The following DPP10 variants were observed in gnomAD, a reference collection of about 807,000 sequenced individuals.
DPP10 encodes the protein inactive dipeptidyl peptidase 10.
A neutral mutation model predicts 120.9 loss-of-function variants in DPP10; 33 were observed. That is an observed-to-expected ratio of 0.27 (90% confidence interval 0.21 to 0.37). DPP10 has a LOEUF of 0.37. DPP10 is among the 10% of genes least tolerant of loss of function. The pLI is 1.00. For missense variants in DPP10, 816 were observed against 942.8 expected, an observed-to-expected ratio of 0.87 and a Z score of 1.76; for synonymous variants, 337 against 326.1, an observed-to-expected ratio of 1.03 and a Z score of -0.36.
chr2:114,602,246 T>C (rs1210522732), intron 1 of DPP10, among the ~76,000 whole-genome samples: 1 of 151,896 alleles, frequency 6.6e-6, no homozygotes, highest in African/African-American at 2.4e-5. Flanking sequence ...AATCAAAGTA[T>C]ATAAAGGTTT....
intron 3 of DPP10, among the ~76,000 whole-genome samples, chr2:115,489,225 A>G (rs1340656151): frequency 6.6e-6 from 1 of 151,974 alleles, no homozygotes; most frequent in Non-Finnish European, 1.5e-5. Flanking sequence ...CAATAAATAG[A>G]TGTAGCTGTG....
chr2:115,358,921 T>C (rs1004878984), intron 3 of DPP10, among the ~76,000 whole-genome samples: 1 of 152,136 alleles, frequency 6.6e-6, no homozygotes, highest in Admixed American at 6.6e-5. Context: ...AAGAATAGCA[T>C]GGATGTAACC....
At chr2:114,907,195 TA>T (rs2106635071) in intron 1 of DPP10, among the ~76,000 whole-genome samples, 1 of 152,146 alleles carries the variant, frequency 6.6e-6, no homozygotes, top group East Asian at 1.9e-4. Context: ...AAGTCTTCTT[TA>T]TTTTTTTTCT....
chr2:114,827,114 G>A (rs1029291096), intron 1 of DPP10, among the ~76,000 whole-genome samples: 1 of 151,878 alleles, frequency 6.6e-6, no homozygotes, highest in Non-Finnish European at 1.5e-5. Context: ...GACCTGCTTG[G>A]GGGAGAAAAG....
chr2:115,134,684 G>T (rs2050556984), intron 1 of DPP10, among the ~76,000 whole-genome samples: 3 of 151,894 alleles, frequency 2.0e-5, no homozygotes, highest in Non-Finnish European at 4.4e-5. Flanking sequence ...ATAGCATAAT[G>T]GATAATAAAA....
intron 1 of DPP10, among the ~76,000 whole-genome samples, chr2:115,086,282 T>C (rs1314260339): frequency 1.3e-5 from 2 of 152,166 alleles, no homozygotes; most frequent in Non-Finnish European, 2.9e-5. Flanking sequence ...GTCTCTACGA[T>C]CTTTTATCTT....
At chr2:115,050,779 A>T (rs1365033001) in intron 1 of DPP10, among the ~76,000 whole-genome samples, 1 of 152,178 alleles carries the variant, frequency 6.6e-6, no homozygotes, top group Non-Finnish European at 1.5e-5. Flanking sequence ...TAGGGCAGGG[A>T]TGGTACACGG....
At chr2:114,738,532 C>T (rs1158233750) in intron 1 of DPP10, among the ~76,000 whole-genome samples, 1 of 151,936 alleles carries the variant, frequency 6.6e-6, no homozygotes, top group Admixed American at 6.5e-5. Context: ...AAGGGGAGCA[C>T]TAGCCTGTGT....
In DPP10 at chr2:115,165,905, C is replaced by T. The variant is rs574504711; in HGVS notation, c.61-143334C>T. On this transcript the variant is annotated intron_variant, in intron 1 of 25. Coordinates refer to ENST00000410059, the MANE Select transcript of DPP10 (RefSeq NM_020868.6). The stretch of plus-strand genomic sequence containing the variant: ...CAACTATTTGACTACAAAGACAGCA[C>T]TTGTTATGCATTTTCTTTAAAAAAA... 7.9e-5 allele frequency among the ~76,000 whole-genome samples: 12 copies of T among 152,298 alleles called. No individual in the cohort carries two copies. In the East Asian group the frequency reaches 1.9e-3, roughly 24 times the overall value.
chr2:115,376,318 T>A lies in DPP10; in HGVS notation c.271+32406T>A, dbSNP rs553959316. On this transcript the variant is annotated intron_variant, in intron 3 of 25. Coordinates refer to ENST00000410059, the MANE Select transcript of DPP10 (RefSeq NM_020868.6). ...ATGATTGAATGTTATGTATGAACAC[T>A]CAGAAGAATTTTGAGTTTTGCCCTT... is the stretch of plus-strand genomic sequence containing the variant. Among the ~76,000 whole-genome samples, 6 of 152,260 alleles carry A rather than the reference T, an allele frequency of 3.9e-5. No individual in the cohort carries two copies. The South Asian group carries it at 1.2e-3, about 32-fold the overall frequency.
chr2:114,963,565 T>A (rs770953901), intron 1 of DPP10, among the ~76,000 whole-genome samples: 3 of 152,214 alleles, frequency 2.0e-5, no homozygotes, highest in Non-Finnish European at 4.4e-5. Flanking sequence ...CTTCTCTACA[T>A]AACCAGGCTG....
intron 5 of DPP10, among the ~76,000 whole-genome samples, chr2:115,561,165 A>G (rs1443659162): frequency 6.6e-6 from 1 of 152,052 alleles, no homozygotes; most frequent in East Asian, 1.9e-4. Context: ...CCTGGGCAAC[A>G]CAGTGAAACC....
Position 114,683,450 on chromosome 2 carries a change from C to G in DPP10, c.60+240612C>G, listed in dbSNP as rs140126401. Among the ~76,000 whole-genome samples, 314 of 151,632 alleles carry G rather than the reference C, an allele frequency of 2.1e-3. 1 individual carries two copies. Among genetic ancestry groups the G allele is most frequent in the African/African-American group, 7.5e-3 (311 of 41,408 alleles). On this transcript the variant is annotated intron_variant, in intron 1 of 25. Coordinates refer to ENST00000410059, the MANE Select transcript of DPP10 (RefSeq NM_020868.6). ...CCACCCAGTGTGCCTTCCTCCCTTCCTTCCAGCCTTCCTCCCTTCCTTCCA... is the reference window on the plus strand; with the variant it reads ...CCACCCAGTGTGCCTTCCTCCCTTCGTTCCAGCCTTCCTCCCTTCCTTCCA...
chr2:115,430,422 T>C (rs1489432955), intron 3 of DPP10, among the ~76,000 whole-genome samples: 1 of 152,156 alleles, frequency 6.6e-6, no homozygotes, highest in African/African-American at 2.4e-5. Context: ...TCTGTGAATG[T>C]ATCATAGAGA....
At chr2:115,455,035 CATAATT>C (rs1440390556) in intron 3 of DPP10, among the ~76,000 whole-genome samples, 9 of 150,246 alleles carry the variant, frequency 6.0e-5, no homozygotes, top group Admixed American at 2.0e-4. Flanking sequence ...ATTAATATAG[CATAATT>C]ATAATGAATA....
chr2:115,606,903 A>G (rs1452166201), intron 5 of DPP10, among the ~76,000 whole-genome samples: 2 of 152,192 alleles, frequency 1.3e-5, no homozygotes, highest in Non-Finnish European at 2.9e-5. Context: ...AAAAGGAAAG[A>G]AAAGAATGCG....
chr2:115,447,607 G>C (rs1427429459), intron 3 of DPP10, among the ~76,000 whole-genome samples: 1 of 152,156 alleles, frequency 6.6e-6, no homozygotes, highest in Non-Finnish European at 1.5e-5. Flanking sequence ...GTGATAGTGA[G>C]AGAGTTCTCA....
chr2:114,920,692 C>A (rs1278248822), intron 1 of DPP10, among the ~76,000 whole-genome samples: 1 of 152,086 alleles, frequency 6.6e-6, no homozygotes, highest in Non-Finnish European at 1.5e-5. Context: ...TACTGTTATG[C>A]CTCATAAACA....
At chr2:115,022,165 G>A (rs183448838) in intron 1 of DPP10, among the ~76,000 whole-genome samples, 75 of 152,200 alleles carry the variant, frequency 4.9e-4, no homozygotes, top group Admixed American at 1.4e-3. Flanking sequence ...CCTAGCCAGA[G>A]CAATCAGACA....
Sources: allele counts gnomAD v4.1 joint callset (sites outside exome capture counted in the v4.1 genomes callset), GRCh38; gene constraint gnomAD v4.1.1; transcripts MANE v1.5; gene names NCBI Gene and HGNC (gene_info 2026-07-23, HGNC 2026-07-21).